Variants in FAM114A2 observed in about 807,000 individuals in gnomAD.
FAM114A2 encodes the protein family with sequence similarity 114 member A2, also known as protein FAM114A2.
A neutral mutation model predicts 58.4 loss-of-function variants in FAM114A2; 53 were observed. That is an observed-to-expected ratio of 0.91 (90% confidence interval 0.73 to 1.14). The LOEUF (loss-of-function observed/expected upper bound fraction) is 1.14, where lower values mean the gene tolerates loss of function less well. Ranked by LOEUF, FAM114A2 falls within the 50% of genes most tolerant of loss-of-function variation. FAM114A2 has a pLI of 0.00. For synonymous variants in FAM114A2, 228 were observed against 211.4 expected (o/e 1.08, Z -0.68); for missense variants, 601 against 581.1 (o/e 1.03, Z -0.35).
At chr5:154,021,954 C>G (rs913550693) in intron 8 of FAM114A2, among the ~76,000 whole-genome samples, 5 of 152,090 alleles carry the variant, frequency 3.3e-5, no homozygotes, top group Non-Finnish European at 7.4e-5. Flanking sequence ...AAATATAGAC[C>G]AATGGAACAG....
At chr5:154,023,670 T>C (rs34492233) in intron 8 of FAM114A2, among the ~76,000 whole-genome samples, 57,353 of 151,676 alleles carry the variant, frequency 0.38, 11,841 homozygotes, top group East Asian at 0.65. Context: ...GGTGCACAAA[T>C]TGGGTGCAGT....
At chr5:153,993,811 T>A (rs1019856918) in intron 13 of FAM114A2, among the ~76,000 whole-genome samples, 1 of 151,988 alleles carries the variant, frequency 6.6e-6, no homozygotes, top group Non-Finnish European at 1.5e-5. Flanking sequence ...CTAAAAATAA[T>A]AGGGAGCCCA....
intron 11 of FAM114A2, among the ~76,000 whole-genome samples, chr5:153,998,720 C>T (rs1769754760): frequency 6.6e-6 from 1 of 152,030 alleles, no homozygotes; most frequent in Admixed American, 6.6e-5. Context: ...TATTCTGTTA[C>T]AGTAACAGAC....
intron 11 of FAM114A2, among the ~76,000 whole-genome samples, chr5:153,998,209 A>T (rs987614885): frequency 3.9e-5 from 6 of 152,240 alleles, no homozygotes; most frequent in African/African-American, 1.4e-4. Flanking sequence ...CCCTTTGTCC[A>T]GCATATCCAC....
chr5:154,004,153 A>T (rs1770195473), intron 9 of FAM114A2, among the ~76,000 whole-genome samples: 1 of 152,204 alleles, frequency 6.6e-6, no homozygotes, highest in Admixed American at 6.5e-5. Flanking sequence ...CTCATAACAT[A>T]TCCTCATCAT....
intron 8 of FAM114A2, among the ~76,000 whole-genome samples, chr5:154,022,324 A>C (rs1184211437): frequency 6.6e-6 from 1 of 152,254 alleles, no homozygotes; most frequent in Non-Finnish European, 1.5e-5. Flanking sequence ...ACAGCAAAAG[A>C]AACTACCATC....
At chr5:154,028,372 G>A (rs1771949327) in intron 5 of FAM114A2, 89 bp from the exon 6 acceptor site, 8 of 888,786 alleles carry the variant, frequency 9.0e-6, no homozygotes, top group Non-Finnish European at 1.3e-5. Context: ...TAAAAATAGT[G>A]GCTAACAATA....
At chr5:153,996,406 G>T (rs12109974) in intron 12 of FAM114A2, among the ~76,000 whole-genome samples, 3,763 of 151,956 alleles carry the variant, frequency 0.025, 105 homozygotes, top group African/African-American at 0.063. Flanking sequence ...ACTCAAAATG[G>T]ATCACAGACA....
rs1769221004 is a variant in FAM114A2, at chr5:153,990,783, A to T, written c.*2193T>A. ...TAGTGGTAAATCTTAGACACCAAAA[A>T]TTTAAAAGGAAAATAGTACCAAAAG... On this transcript the variant is annotated 3_prime_UTR_variant, in exon 14 of 14. Transcript: ENST00000351797. 1 of 152,174 alleles carries T rather than the reference A, an allele frequency of 6.6e-6. No individual in the cohort carries two copies. Among genetic ancestry groups the T allele is most frequent in the African/African-American group, 2.4e-5 (1 of 41,444 alleles). 9.4% of individuals were successfully genotyped at this position (152,174 alleles called of 1,614,324 possible). A position where few individuals can be genotyped will look rare whatever the true frequency, so the allele number is the denominator to read the frequency against.
intron 4 of FAM114A2, 43 bp downstream of exon 4, chr5:154,033,747 AT>A: frequency 8.5e-7 from 1 of 1,175,048 alleles, no homozygotes; most frequent in Non-Finnish European, 1.3e-6. Flanking sequence ...CAACTGTTCC[AT>A]TTCAATTCAT....
In FAM114A2 at chr5:154,016,926, G is replaced by T. The variant is rs569014548; in HGVS notation, c.914-5606C>A. Among the ~76,000 whole-genome samples the T allele has an allele frequency of 8.5e-5, 13 of 152,278 alleles. No individual in the cohort carries two copies. The South Asian group carries it at 2.7e-3, about 32-fold the overall frequency. On this transcript the variant is annotated intron_variant, in intron 8 of 13. Coordinates refer to ENST00000351797, the MANE Select transcript of FAM114A2 (RefSeq NM_018691.4). ...ACTCACGTAAGCTTAAGGTAAAGGG[G>T]TGGAAAAAGACATTCCATGCAAATG...
chr5:154,023,084 A>G (rs1771535924), intron 8 of FAM114A2, among the ~76,000 whole-genome samples: 1 of 152,126 alleles, frequency 6.6e-6, no homozygotes, highest in Non-Finnish European at 1.5e-5. Context: ...GGAACTGAAC[A>G]ATGAGAACAC....
chr5:154,023,233 T>C (rs1356124178), intron 8 of FAM114A2, among the ~76,000 whole-genome samples: 1 of 152,108 alleles, frequency 6.6e-6, no homozygotes, highest in Non-Finnish European at 1.5e-5. Flanking sequence ...CATGTATACA[T>C]ACGTAACAGG....
At chr5:154,025,119 GCA>G (rs1245754160) in intron 8 of FAM114A2, among the ~76,000 whole-genome samples, 5 of 152,032 alleles carry the variant, frequency 3.3e-5, no homozygotes, top group South Asian at 2.1e-4. Flanking sequence ...CACGAAAAAA[GCA>G]CATAGTTCAG....
At position 154,002,365 on chromosome 5, in the gene FAM114A2, C is replaced by G. The variant is rs775588851; in HGVS notation, c.1142G>C (p.Ser381Thr). Residue 381 changes from serine to threonine, a missense_variant, in exon 11 of 14, where the codon AGC (serine) becomes ACC (threonine). Physicochemically the swap from Ser to Thr is moderately conservative, Grantham distance 58. Transcript: ENST00000351797. ...IEDIHAFAIR[S>T]LAELTACSIE... Reference sequence around the variant, plus strand: ...TGAGCAGGCAGTCAGTTCAGCCAGGCTCCGGATTGCAAACGCATGGATATC... The same window carrying G: ...TGAGCAGGCAGTCAGTTCAGCCAGGGTCCGGATTGCAAACGCATGGATATC... 2 of 1,613,732 alleles carry G rather than the reference C, an allele frequency of 1.2e-6. No homozygotes were observed. Among genetic ancestry groups the G allele is most frequent in the Non-Finnish European group, 1.7e-6 (2 of 1,179,824 alleles).
rs1025227539 is a variant in FAM114A2, at chr5:153,997,882, A to G, written c.1257-7T>C. On this transcript the variant is annotated splice_region_variant and splice_polypyrimidine_tract_variant and intron_variant, in intron 11 of 13. Transcript: ENST00000351797. ...ACACAACACAATTGTCATCCTAGGA[A>G]AGAAAGGAAAAGTCAGAAACGTTTT... 1 of 1,551,234 alleles carries G rather than the reference A, an allele frequency of 6.4e-7. No individual in the cohort carries two copies. Among genetic ancestry groups the G allele is most frequent in the Non-Finnish European group, 8.8e-7 (1 of 1,133,074 alleles).
intron 11 of FAM114A2, among the ~76,000 whole-genome samples, chr5:153,998,258 T>G (rs901643532): frequency 6.6e-5 from 10 of 152,308 alleles, no homozygotes; most frequent in Admixed American, 6.5e-4. Context: ...ATTAGCCATC[T>G]CGGTTATCAG....
intron 8 of FAM114A2, among the ~76,000 whole-genome samples, chr5:154,017,094 A>G (rs1192446427): frequency 1.3e-4 from 20 of 152,232 alleles, no homozygotes. Flanking sequence ...TCCTAAACAT[A>G]CATGCACCTA....
chr5:154,003,134 T>C lies in FAM114A2; in HGVS notation c.994-165A>G, dbSNP rs141485051. On this transcript the variant is annotated intron_variant, in intron 9 of 13. Transcript: ENST00000351797. The stretch of plus-strand genomic sequence containing the variant: ...ATCCTACTAGTCTCAGCAATACTTA[T>C]CACTGTGGTCCATCATTCCTTTTCA... Among the ~76,000 whole-genome samples, 48 of 152,034 alleles carry C rather than the reference T, an allele frequency of 3.2e-4. 2 individuals carry two copies. In the East Asian group the frequency reaches 5.8e-3, roughly 18 times the overall value.
Sources: gnomAD v4.1 joint callset for allele counts (sites outside exome capture counted in the v4.1 genomes callset) on GRCh38, gnomAD v4.1.1 for gene constraint, MANE v1.5 for transcripts, NCBI Gene and HGNC (gene_info 2026-07-23, HGNC 2026-07-21) for gene names.